Variants in DUXB observed in about 807,000 individuals in gnomAD.
DUXB encodes the protein double homeobox B.
Under a neutral mutation model 8.9 loss-of-function variants are expected in DUXB, and 22 were observed. That is an observed-to-expected ratio of 2.46 (90% CI 1.76 to 3.52). The LOEUF (loss-of-function observed/expected upper bound fraction) is 3.52, where lower values mean the gene tolerates loss of function less well. DUXB is among the 30% of genes most tolerant of loss of function. The pLI, the probability that DUXB is intolerant of heterozygous loss-of-function variation, is 0.00. For missense variants in DUXB, 237 were observed against 108.7 expected, an observed-to-expected ratio of 2.18 and a Z score of -5.25; for synonymous variants, 84 against 37.6, an observed-to-expected ratio of 2.23 and a Z score of -4.52.
chr16:75,695,950 A>G lies in DUXB; in HGVS notation c.441+11T>C, dbSNP rs779015556. The G allele has an allele frequency of 2.8e-5, 20 of 702,970 alleles. No homozygotes were observed. Among genetic ancestry groups the G allele is most frequent in the South Asian group, 2.2e-4 (15 of 67,596 alleles). The allele number at this position is 702,970 out of a possible 1,614,324, so 43.5% of individuals were successfully genotyped here. A position where few individuals can be genotyped will look rare whatever the true frequency, so the allele number is the denominator to read the frequency against. On this transcript the variant is annotated intron_variant, in intron 4 of 4. Coordinates refer to ENST00000633875, the MANE Select transcript of DUXB (RefSeq NM_001351307.2). ...GCAGGACATAGTTGGGATCACACAC[A>G]TAGAACTTACTTGAATTCTTGATTC...
Position 75,700,002 on chromosome 16 carries a change from A to C in DUXB, c.180+13T>G. The C allele has an allele frequency of 4.3e-6, 3 of 692,102 alleles. No homozygotes were observed. Among genetic ancestry groups the C allele is most frequent in the Non-Finnish European group, 7.9e-6 (3 of 381,066 alleles). The allele number at this position is 692,102 out of a possible 1,614,324, so 42.9% of individuals were successfully genotyped here. A position where few individuals can be genotyped will look rare whatever the true frequency, so the allele number is the denominator to read the frequency against. On this transcript the variant is annotated intron_variant, in intron 2 of 4. Transcript: ENST00000633875. ...GGTTCTGACAGGTAATGAAGTAGAAATCTAATGCCTACCTGAATATTAGAT... is the reference window on the plus strand; with the variant it reads ...GGTTCTGACAGGTAATGAAGTAGAACTCTAATGCCTACCTGAATATTAGAT...
rs2082583476 is a variant in DUXB, at chr16:75,694,092, G to A, written c.875C>T (p.Ser292Leu). The A allele has an allele frequency of 2.4e-6, 1 of 418,956 alleles. No individual in the cohort carries two copies. 26.0% of individuals were successfully genotyped at this position (418,956 alleles called of 1,614,324 possible). A position where few individuals can be genotyped will look rare whatever the true frequency, so the allele number is the denominator to read the frequency against. Residue 292 changes from serine to leucine, a missense_variant, in exon 5 of 5, where the codon TCG becomes TTG. Coordinates refer to ENST00000633875, the MANE Select transcript of DUXB (RefSeq NM_001351307.2). ...ATGGCTCTTGACCTGTGGTACTCCC[G>A]AGCCAGAGTGTTCTTTGTGATTTTG... ...EHQNHKEHSGSGVPQVKSHSQ... is the reference protein window; with the variant it reads ...EHQNHKEHSGLGVPQVKSHSQ...
chr16:75,700,196 G>C (rs1160143017), intron 1 of DUXB, 27 bp from the exon 2 acceptor site: 4 of 686,898 alleles, frequency 5.8e-6, no homozygotes. Context: ...GGGGAGAATA[G>C]TGTGAATAAT....
chr16:75,699,973 C>A, intron 2 of DUXB, 42 bp downstream of exon 2: 1 of 654,886 alleles, frequency 1.5e-6, no homozygotes, highest in Non-Finnish European at 2.7e-6. Context: ...TTTCTCTTTA[C>A]CATGGTTCTG....
intron 2 of DUXB, 118 bp downstream of exon 2, chr16:75,699,897 C>G (rs910866179): frequency 3.9e-6 from 2 of 513,614 alleles, no homozygotes; most frequent in Non-Finnish European, 6.8e-6. Flanking sequence ...AACAGGAAAA[C>G]GTTTCTTAGC....
chr16:75,693,900 A>C lies in DUXB; in HGVS notation c.*29T>G, dbSNP rs529803559. On this transcript the variant is annotated 3_prime_UTR_variant, in exon 5 of 5. Transcript: ENST00000633875. ...AAGTGGATGACATGTTTCTCAGCTG[A>C]GTGTGCCTACTGCTGCCACAAGTCT... 14 of 398,938 alleles carry C rather than the reference A, an allele frequency of 3.5e-5. No individual in the cohort carries two copies. The South Asian group carries it at 1.7e-3, about 47-fold the overall frequency. 24.7% of individuals were successfully genotyped at this position (398,938 alleles called of 1,614,324 possible).
chr16:75,694,211 A>G lies in DUXB; in HGVS notation c.756T>C (p.Pro252=), dbSNP rs557633301. The change falls in exon 5 of 5, where the codon CCT becomes CCC. Residue 252 remains proline (P), a synonymous_variant. Coordinates refer to ENST00000633875, the MANE Select transcript of DUXB (RefSeq NM_001351307.2). The part of the protein sequence containing the change: ...AVQEGEKSDQ[P]LIIPNHLLTL... ...TCAGGAGGTGATTCGGAATTATCAGAGGCTGATCAGACTTCTCTCCTTCCT... is the reference window on the plus strand; with the variant it reads ...TCAGGAGGTGATTCGGAATTATCAGGGGCTGATCAGACTTCTCTCCTTCCT... 2.6e-4 allele frequency: 136 copies of G among 518,520 alleles called. No individual in the cohort carries two copies. The highest frequency in any genetic ancestry group is 2.5e-3 in the African/African-American group (127 of 51,378). The allele number at this position is 518,520 out of a possible 1,614,324, so 32.1% of individuals were successfully genotyped here.
In DUXB at chr16:75,695,295, C is replaced by G. The variant is rs114661687; in HGVS notation, c.441+666G>C. ...CAGCAAAAAAGATCTCTTGACCAGGCTGACATTTTTTTCCTCTTCACGGAT... is the reference window on the plus strand; with the variant it reads ...CAGCAAAAAAGATCTCTTGACCAGGGTGACATTTTTTTCCTCTTCACGGAT... On this transcript the variant is annotated intron_variant, in intron 4 of 4. Coordinates refer to ENST00000633875, the MANE Select transcript of DUXB (RefSeq NM_001351307.2). Among the ~76,000 whole-genome samples the G allele has an allele frequency of 3.7e-3, 560 of 152,322 alleles. 2 individuals are homozygous for G. Among genetic ancestry groups the G allele is most frequent in the African/African-American group, 0.013 (524 of 41,572 alleles).
At position 75,696,866 on chromosome 16, in the gene DUXB, C is replaced by G. The variant is rs1308232819; in HGVS notation, c.258G>C (p.Gly86=). 2 of 702,848 alleles carry G rather than the reference C, an allele frequency of 2.8e-6. No individual in the cohort carries two copies. The highest frequency in any genetic ancestry group is 5.2e-6 in the Non-Finnish European group (2 of 384,994). The allele number at this position is 702,848 out of a possible 1,614,324, so 43.5% of individuals were successfully genotyped here. Residue 86 remains glycine, a synonymous_variant, in exon 3 of 5, where the codon GGG becomes GGC. Coordinates refer to ENST00000633875, the MANE Select transcript of DUXB (RefSeq NM_001351307.2). The part of the protein sequence containing the change: ...KCFSEKDQTQ[G]HDQSQHLTQE... ...GAGTCAGATGCTGGGACTGGTCATGCCCCTGGGTTTGATCTTTTTCTGAGA... is the reference window on the plus strand; with the variant it reads ...GAGTCAGATGCTGGGACTGGTCATGGCCCTGGGTTTGATCTTTTTCTGAGA...
intron 3 of DUXB, among the ~76,000 whole-genome samples, 192 bp downstream of exon 3, chr16:75,696,646 A>G (rs2082609759): frequency 6.6e-6 from 1 of 152,212 alleles, no homozygotes; most frequent in African/African-American, 2.4e-5. Context: ...CGCTCTGCCT[A>G]TGGAGTAGCC....
intron 2 of DUXB, chr16:75,698,604 A>C (rs1959196014): frequency 6.6e-6 from 1 of 152,170 alleles, no homozygotes; most frequent in South Asian, 2.1e-4. Flanking sequence ...ACTACTGGTC[A>C]GCATGAGAGT....
At chr16:75,701,244 T>G (rs868197118) in intron 1 of DUXB, 150 bp downstream of exon 1, 1 of 396,186 alleles carries the variant, frequency 2.5e-6, no homozygotes. Context: ...CCCATGGCTG[T>G]TCTGACACAA....
At chr16:75,700,859 A>G (rs1959206472) in intron 1 of DUXB, among the ~76,000 whole-genome samples, 1 of 152,176 alleles carries the variant, frequency 6.6e-6, no homozygotes, top group African/African-American at 2.4e-5. Flanking sequence ...AAGTCATGCT[A>G]AATTGGGTAT....
rs1475912916 is a variant in DUXB, at chr16:75,700,169, C to A, written c.26G>T (p.Gly9Val). 4 of 699,142 alleles carry A rather than the reference C, an allele frequency of 5.7e-6. No individual in the cohort carries two copies. Among genetic ancestry groups the A allele is most frequent in the Non-Finnish European group, 1.0e-5 (4 of 383,690 alleles). 43.3% of individuals were successfully genotyped at this position (699,142 alleles called of 1,614,324 possible). Reference sequence around the variant, plus strand: ...TCTCCAGAATTCTTTTTGAAGTATGCCTGATGAACAGAAAAGGGGGAGAAT... The same window carrying A: ...TCTCCAGAATTCTTTTTGAAGTATGACTGATGAACAGAAAAGGGGGAGAAT... MNLEGTSG[G>V]ILQKEFWRNR... The change falls in exon 2 of 5, where the codon GGC (glycine) becomes GTC (valine). Residue 9 changes from glycine (G) to valine (V), a missense_variant and splice_region_variant. By Grantham distance (109) the Gly-to-Val change is moderately radical (BLOSUM62 -3). Coordinates refer to ENST00000633875, the MANE Select transcript of DUXB (RefSeq NM_001351307.2).
At chr16:75,696,527 C>G (rs2082608730) in intron 3 of DUXB, among the ~76,000 whole-genome samples, 1 of 152,102 alleles carries the variant, frequency 6.6e-6, no homozygotes, top group African/African-American at 2.4e-5. Context: ...CTTCAGGCAA[C>G]AGAGTGAGAC....
intron 4 of DUXB, among the ~76,000 whole-genome samples, chr16:75,694,749 T>C (rs1175655966): frequency 6.6e-6 from 1 of 152,042 alleles, no homozygotes; most frequent in East Asian, 1.9e-4. Flanking sequence ...AATGCAACAA[T>C]AAAAATAATA....
rs780757833 is a variant in DUXB at position 75,696,080 on chromosome 16, A to G, written c.322T>C (p.Phe108Leu). The change falls in exon 4 of 5, where the codon TTC becomes CTC. Residue 108 changes from phenylalanine to leucine, a missense_variant. Phe to Leu is a conservative substitution (Grantham distance 22). Coordinates refer to ENST00000633875, the MANE Select transcript of DUXB (RefSeq NM_001351307.2). The part of the protein sequence containing the change: ...LPKEARQKQT[F>L]ITWTQKNRLV... ...CTGTTTTTTTGAGTCCATGTGATGA[A>G]TGTCTGTTTTTGTCGGGCTTCTTTA... 1.4e-6 allele frequency: 1 copy of G among 703,020 alleles called. No individual in the cohort carries two copies. The highest frequency in any genetic ancestry group is 1.5e-5 in the South Asian group (1 of 67,606). 43.5% of individuals were successfully genotyped at this position (703,020 alleles called of 1,614,324 possible).
At position 75,700,064 on chromosome 16, in the gene DUXB, G is replaced by A. The variant is rs753928290; in HGVS notation, c.131C>T (p.Ala44Val). 5.7e-6 allele frequency: 4 copies of A among 702,200 alleles called. No homozygotes were observed. Among genetic ancestry groups the A allele is most frequent in the African/African-American group, 1.7e-5 (1 of 57,206 alleles). The allele number at this position is 702,200 out of a possible 1,614,324, so 43.5% of individuals were successfully genotyped here. A position where few individuals can be genotyped will look rare whatever the true frequency, so the allele number is the denominator to read the frequency against. ...AATTTCTTTGGCCAGTTGTTCTCTG[G>A]CAGCTTTATCAGGGAAAGGGTCATG... is the stretch of plus-strand genomic sequence containing the variant. The part of the protein sequence containing the change: ...FQHDPFPDKA[A>V]REQLAKEIGV... The change falls in exon 2 of 5, where the codon GCC (alanine) becomes GTC (valine). Residue 44 changes from alanine to valine, a missense_variant. By Grantham distance (64) the Ala-to-Val change is moderately conservative (BLOSUM62 0). Transcript: ENST00000633875.
At position 75,696,105 on chromosome 16, in the gene DUXB, AG is replaced by A. The variant is rs2082604964; in HGVS notation, c.296del (p.Pro99LeufsTer19). 1.4e-6 allele frequency: 1 copy of A among 701,762 alleles called. No individual in the cohort carries two copies. The highest frequency in any genetic ancestry group is 1.5e-5 in the South Asian group (1 of 67,528). 43.5% of individuals were successfully genotyped at this position (701,762 alleles called of 1,614,324 possible). ...ATGTCTGTTTTTGTCGGGCTTCTTTAGGTAAGTATTCTAAAGGAGAACACAG... is the reference window on the plus strand; with the variant it reads ...ATGTCTGTTTTTGTCGGGCTTCTTTAGTAAGTATTCTAAAGGAGAACACAG... ...QSQHLTQEYL[P>X]KEARQKQTFI... On this transcript the variant is annotated frameshift_variant, in exon 4 of 5. Coordinates refer to ENST00000633875, the MANE Select transcript of DUXB (RefSeq NM_001351307.2). LOFTEE classifies it high-confidence loss of function.
Sources: gnomAD v4.1 joint callset for allele counts (sites outside exome capture counted in the v4.1 genomes callset) on GRCh38, gnomAD v4.1.1 for gene constraint, MANE v1.5 for transcripts, NCBI Gene and HGNC (gene_info 2026-07-23, HGNC 2026-07-21) for gene names.